Variants in HEMK2 observed in about 807,000 individuals in gnomAD.
The protein encoded by HEMK2 is methyltransferase HEMK2.
the HEMK2 span, among the ~76,000 whole-genome samples, chr21:28,832,392 T>G: frequency 6.6e-6 from 1 of 152,148 alleles, no homozygotes; most frequent in Non-Finnish European, 1.5e-5. Context: ...TCTCTCTACC[T>G]CTCCAAGAGT....
At chr21:28,657,983 A>G in the HEMK2 span, among the ~76,000 whole-genome samples, 1 of 152,214 alleles carries the variant, frequency 6.6e-6, no homozygotes, top group Middle Eastern at 3.4e-3. Context: ...AAATGGGGAC[A>G]TGGACTTCTT....
At chr21:28,815,942 C>A in the HEMK2 span, among the ~76,000 whole-genome samples, 10 of 152,028 alleles carry the variant, frequency 6.6e-5, no homozygotes, top group Non-Finnish European at 1.5e-4. Flanking sequence ...TGAAATGGGG[C>A]CTTTAAAGAG....
chr21:28,867,282 A>T, the HEMK2 span, among the ~76,000 whole-genome samples: 1 of 152,258 alleles, frequency 6.6e-6, no homozygotes. Context: ...AGTGGAATAT[A>T]TTGGTGAAAA....
chr21:28,575,742 T>C, the HEMK2 span, among the ~76,000 whole-genome samples: 1 of 152,214 alleles, frequency 6.6e-6, no homozygotes, highest in African/African-American at 2.4e-5. Flanking sequence ...TCCATCAACG[T>C]AGAGTTTCCT....
At chr21:28,839,181 G>C in the HEMK2 span, among the ~76,000 whole-genome samples, 1 of 151,178 alleles carries the variant, frequency 6.6e-6, no homozygotes, top group Non-Finnish European at 1.5e-5. Flanking sequence ...TCCCTTTATA[G>C]TTAAAACTCT....
chr21:28,736,441 C>T, the HEMK2 span, among the ~76,000 whole-genome samples: 1 of 152,186 alleles, frequency 6.6e-6, no homozygotes, highest in Non-Finnish European at 1.5e-5. Context: ...TGTTCACAAA[C>T]TTGAAGCCTG....
chr21:28,845,641 A>G, the HEMK2 span, among the ~76,000 whole-genome samples: 2 of 151,652 alleles, frequency 1.3e-5, no homozygotes, highest in Admixed American at 1.3e-4. Context: ...TTCTTGTTTG[A>G]TTTATTCCTA....
chr21:28,819,544 C>CTTTTTTTTTTTTTTTTTTTTT, the HEMK2 span, among the ~76,000 whole-genome samples: 2 of 111,904 alleles, frequency 1.8e-5, no homozygotes, highest in Non-Finnish European at 3.5e-5. Flanking sequence ...TTTTCTTTTC[C>CTTTTTTTTTTTTTTTTTTTTT]TTTTTTTTTT....
chr21:28,782,716 G>A, the HEMK2 span, among the ~76,000 whole-genome samples: 1 of 152,142 alleles, frequency 6.6e-6, no homozygotes, highest in Admixed American at 6.5e-5. Context: ...AATGAGTATG[G>A]GGTTTCTTTT....
the HEMK2 span, among the ~76,000 whole-genome samples, chr21:28,829,871 T>G: frequency 9.9e-5 from 15 of 152,214 alleles, no homozygotes; most frequent in Non-Finnish European, 2.9e-5. Context: ...GTGTTTCATT[T>G]TGGCAAACTG....
the HEMK2 span, among the ~76,000 whole-genome samples, chr21:28,722,237 C>T: frequency 6.6e-6 from 1 of 150,722 alleles, no homozygotes; most frequent in South Asian, 2.1e-4. Context: ...AAAGAGAATA[C>T]AAAAAAATTT....
chr21:28,685,742 G>A, the HEMK2 span, among the ~76,000 whole-genome samples: 1 of 152,148 alleles, frequency 6.6e-6, no homozygotes, highest in South Asian at 2.1e-4. Flanking sequence ...TTTGGAGGGA[G>A]GTGACTGTTG....
At chr21:28,835,504 A>T in the HEMK2 span, among the ~76,000 whole-genome samples, 1 of 152,142 alleles carries the variant, frequency 6.6e-6, no homozygotes, top group Non-Finnish European at 1.5e-5. Flanking sequence ...TCAGTCCTAG[A>T]CCTTCCCTTT....
chr21:28,877,646 G>A, the HEMK2 span, among the ~76,000 whole-genome samples: 1 of 151,006 alleles, frequency 6.6e-6, no homozygotes, highest in East Asian at 1.9e-4. Context: ...AGGAAGGAAG[G>A]GAGAAAGACA....
At chr21:28,813,726 G>T in the HEMK2 span, among the ~76,000 whole-genome samples, 4 of 152,092 alleles carry the variant, frequency 2.6e-5, no homozygotes, top group Non-Finnish European at 4.4e-5. Flanking sequence ...TACCAAAACA[G>T]ATCTACAGAC....
the HEMK2 span, among the ~76,000 whole-genome samples, chr21:28,773,483 T>G: frequency 6.6e-6 from 1 of 152,154 alleles, no homozygotes; most frequent in Admixed American, 6.5e-5. Context: ...AATAGAAGAT[T>G]CTCTCTTTTA....
At chr21:28,606,637 A>T in the HEMK2 span, among the ~76,000 whole-genome samples, 1 of 152,222 alleles carries the variant, frequency 6.6e-6, no homozygotes. Context: ...GTCTGTATTC[A>T]GTAACAGTTT....
At chr21:28,726,822 C>T in the HEMK2 span, among the ~76,000 whole-genome samples, 9 of 148,386 alleles carry the variant, frequency 6.1e-5, 1 homozygote, top group South Asian at 1.7e-3. Flanking sequence ...GCATGAGAAT[C>T]CTTGCACCAC....
chr21:28,723,351 T>A, the HEMK2 span, among the ~76,000 whole-genome samples: 2 of 152,120 alleles, frequency 1.3e-5, no homozygotes, highest in Non-Finnish European at 2.9e-5. Context: ...ACAATTAGTC[T>A]ACATGTCACT....
Sources: gnomAD v4.1 joint callset for allele counts (sites outside exome capture counted in the v4.1 genomes callset) on GRCh38, gnomAD v4.1.1 for gene constraint, MANE v1.5 for transcripts, NCBI Gene and HGNC (gene_info 2026-07-23, HGNC 2026-07-21) for gene names.